Variants in UNC79 observed in about 807,000 individuals in gnomAD.
UNC79 encodes the protein unc-79 subunit of NALCN channel complex.
Under a neutral mutation model 283.1 loss-of-function variants are expected in UNC79, and 37 were observed. That is an observed-to-expected ratio of 0.13 (90% confidence interval 0.10 to 0.17). The LOEUF (loss-of-function observed/expected upper bound fraction) is 0.17, where lower values mean the gene tolerates loss of function less well. UNC79 is among the 10% of genes least tolerant of loss of function. The probability of loss-of-function intolerance (pLI) is 1.00; values close to 1 mark genes in which losing one functional copy is unlikely to be tolerated. For missense variants in UNC79, 2,272 were observed against 3,211.1 expected (o/e 0.71, Z 7.07); for synonymous variants, 1,107 against 1,200.2 (o/e 0.92, Z 1.61).
intron 1 of UNC79, among the ~76,000 whole-genome samples, chr14:93,392,189 C>A (rs904013189): frequency 6.6e-6 from 1 of 152,026 alleles, no homozygotes; most frequent in African/African-American, 2.4e-5. Flanking sequence ...ATGTGTGTCA[C>A]CAAGAAGTGA....
At chr14:93,668,565 C>T (rs2072470879) in intron 40 of UNC79, among the ~76,000 whole-genome samples, 1 of 151,394 alleles carries the variant, frequency 6.6e-6, no homozygotes, top group Admixed American at 6.6e-5. Context: ...AAAAATTAGG[C>T]GGGGCAAAGT....
chr14:93,375,929 A>C (rs2139976686), intron 1 of UNC79, among the ~76,000 whole-genome samples: 1 of 144,702 alleles, frequency 6.9e-6, no homozygotes, highest in African/African-American at 2.6e-5. Flanking sequence ...GGCCTTATAA[A>C]AAGAGGAAGC....
In UNC79 at chr14:93,461,458, A is replaced by G. The variant is rs1387291560; in HGVS notation, c.23-6213A>G. Among the ~76,000 whole-genome samples, 6 of 152,248 alleles carry G rather than the reference A, an allele frequency of 3.9e-5. 1 individual carries two copies. The highest frequency in any genetic ancestry group is 4.1e-4 in the South Asian group (2 of 4,838). On this transcript the variant is annotated intron_variant, in intron 1 of 48. Transcript: ENST00000555664. Reference sequence around the variant, plus strand: ...GTGAGGATAGAAGGGGCCGTAAAATATCAAACAGAGATTAAATTTGTGTAT... The same window carrying G: ...GTGAGGATAGAAGGGGCCGTAAAATGTCAAACAGAGATTAAATTTGTGTAT...
chr14:93,702,120 G>A (rs1482265509), intron 47 of UNC79, among the ~76,000 whole-genome samples: 1 of 152,182 alleles, frequency 6.6e-6, no homozygotes, highest in Non-Finnish European at 1.5e-5. Context: ...GCTTTTTGCT[G>A]TGCAGAAATT....
chr14:93,681,069 C>T (rs760865340), intron 41 of UNC79, among the ~76,000 whole-genome samples: 1 of 152,176 alleles, frequency 6.6e-6, no homozygotes, highest in Non-Finnish European at 1.5e-5. Flanking sequence ...TCATAGAAAA[C>T]GCTAGGTGTT....
intron 39 of UNC79, among the ~76,000 whole-genome samples, chr14:93,660,212 A>T (rs1321622216): frequency 6.6e-6 from 1 of 152,112 alleles, no homozygotes; most frequent in Non-Finnish European, 1.5e-5. Flanking sequence ...TCATAGACTC[A>T]TGGTTTATGC....
At chr14:93,452,544 A>G (rs1472399970) in intron 1 of UNC79, among the ~76,000 whole-genome samples, 5 of 151,970 alleles carry the variant, frequency 3.3e-5, no homozygotes, top group Non-Finnish European at 7.4e-5. Context: ...GCTCACCACC[A>G]TGCCCAGCTA....
intron 24 of UNC79, among the ~76,000 whole-genome samples, chr14:93,599,924 G>A (rs2065366657): frequency 6.6e-6 from 1 of 152,146 alleles, no homozygotes; most frequent in South Asian, 2.1e-4. Context: ...AGATGCAGCT[G>A]GGCGTGGTGG....
At position 93,357,544 on chromosome 14, in the gene UNC79, C is replaced by T. The variant is rs565675049; in HGVS notation, c.-351+24021C>T. 2.7e-3 allele frequency among the ~76,000 whole-genome samples: 406 copies of T among 151,608 alleles called. 1 individual carries two copies. The highest frequency in any genetic ancestry group is 9.3e-3 in the African/African-American group (384 of 41,348). On this transcript the variant is annotated intron_variant, in intron 1 of 49. Transcript: ENST00000256339. The stretch of plus-strand genomic sequence containing the variant: ...CTAAATCTTTCTCCCATACTGGATG[C>T]TCCTGCCCTTAAACATCAGACTCCA...
chr14:93,419,989 T>TA (rs2055557604), intron 1 of UNC79, among the ~76,000 whole-genome samples: 1 of 151,222 alleles, frequency 6.6e-6, no homozygotes, highest in Admixed American at 6.6e-5. Context: ...CTAAAATAAG[T>TA]AAATCGTACC....
At chr14:93,518,234 G>C (rs2060162741) in intron 7 of UNC79, among the ~76,000 whole-genome samples, 1 of 151,804 alleles carries the variant, frequency 6.6e-6, no homozygotes, top group South Asian at 2.1e-4. Flanking sequence ...ATGGACTTGG[G>C]GTTTCTTTGA....
chr14:93,404,493 A>AAAAAAAAAAAATATATAT, intron 1 of UNC79, among the ~76,000 whole-genome samples: 2 of 61,510 alleles, frequency 3.3e-5, no homozygotes, highest in East Asian at 5.5e-4. Flanking sequence ...TTCTAAAAAA[A>AAAAAAAAAAAATATATAT]ATATATATAT....
At chr14:93,483,729 G>A (rs183782188) in intron 4 of UNC79, among the ~76,000 whole-genome samples, 12 of 135,356 alleles carry the variant, frequency 8.9e-5, no homozygotes, top group South Asian at 2.3e-4. Flanking sequence ...GTGATGTTCC[G>A]CATCCTGGGT....
At chr14:93,336,902 G>A (rs1305329387) in intron 1 of UNC79, among the ~76,000 whole-genome samples, 1 of 152,066 alleles carries the variant, frequency 6.6e-6, no homozygotes, top group African/African-American at 2.4e-5. Flanking sequence ...CTGGTGGGAG[G>A]TGTTTGGATC....
chr14:93,534,757 T>C (rs2060989934), intron 11 of UNC79, among the ~76,000 whole-genome samples: 1 of 152,248 alleles, frequency 6.6e-6, no homozygotes, highest in African/African-American at 2.4e-5. Context: ...ATGTTTTGGC[T>C]CTGGGGACAT....
At chr14:93,701,207 TTTCC>T (rs2075506057) in intron 47 of UNC79, among the ~76,000 whole-genome samples, 1 of 152,238 alleles carries the variant, frequency 6.6e-6, no homozygotes, top group Admixed American at 6.5e-5. Context: ...GTTTGTTTCC[TTTCC>T]CTCAGTGATC....
intron 1 of UNC79, among the ~76,000 whole-genome samples, chr14:93,362,750 TC>T (rs2054252036): frequency 6.6e-6 from 1 of 152,176 alleles, no homozygotes; most frequent in South Asian, 2.1e-4. Context: ...TCAACTTTTT[TC>T]TAGGTTTTCT....
chr14:93,523,612 C>G (rs2060422361), intron 7 of UNC79, among the ~76,000 whole-genome samples: 1 of 152,060 alleles, frequency 6.6e-6, no homozygotes, highest in African/African-American at 2.4e-5. Context: ...AGCTACTTAA[C>G]CTTGCTAACT....
chr14:93,636,393 C>T (rs1596173543), intron 31 of UNC79, among the ~76,000 whole-genome samples: 1 of 152,214 alleles, frequency 6.6e-6, no homozygotes, highest in African/African-American at 2.4e-5. Context: ...TTTTGATTAG[C>T]GCCAGAAAAA....
Sources: gnomAD v4.1 joint callset for allele counts (sites outside exome capture counted in the v4.1 genomes callset) on GRCh38, gnomAD v4.1.1 for gene constraint, MANE v1.5 for transcripts, NCBI Gene and HGNC (gene_info 2026-07-23, HGNC 2026-07-21) for gene names.